SLIT3: variants seen among roughly 807,000 people sequenced by gnomAD.
The protein encoded by SLIT3 is slit homolog 3 protein.
SLIT3 carries 68 observed loss-of-function variants against 184.0 expected under a neutral mutation model. That is an observed-to-expected ratio of 0.37 (90% CI 0.30 to 0.45). SLIT3 has a LOEUF of 0.45. SLIT3 is among the 20% of genes least tolerant of loss of function. SLIT3 has a pLI of 1.00. For synonymous variants in SLIT3, 831 were observed against 828.6 expected (o/e 1.00, Z -0.05); for missense variants, 1,707 against 2,026.0 (o/e 0.84, Z 3.02).
At chr5:169,101,136 A>C (rs888098063) in intron 4 of SLIT3, among the ~76,000 whole-genome samples, 7 of 152,184 alleles carry the variant, frequency 4.6e-5, no homozygotes, top group Non-Finnish European at 1.0e-4. Context: ...TGATGGTCTT[A>C]GGGAGTAAAA....
intron 4 of SLIT3, among the ~76,000 whole-genome samples, chr5:169,067,909 C>A (rs7701811): frequency 0.5 from 76,732 of 152,052 alleles, 19,600 homozygotes; most frequent in South Asian, 0.64. Flanking sequence ...ACTGGGCTGG[C>A]ACACTTGAGG....
chr5:168,769,153 G>GGAACAA (rs1755454788), intron 14 of SLIT3, among the ~76,000 whole-genome samples: 4 of 152,162 alleles, frequency 2.6e-5, no homozygotes, highest in African/African-American at 9.7e-5. Flanking sequence ...TTCCTTAGCT[G>GGAACAA]GAAATTATGG....
chr5:168,778,782 C>G (rs1490595638), intron 12 of SLIT3, among the ~76,000 whole-genome samples: 1 of 152,226 alleles, frequency 6.6e-6, no homozygotes, highest in Non-Finnish European at 1.5e-5. Context: ...ATTCAAGAGG[C>G]TGCCTGGCGC....
In SLIT3 at chr5:168,684,043, G is replaced by A. The variant is rs368612898; in HGVS notation, c.3609C>T (p.Pro1203=). The A allele has an allele frequency of 1.9e-6, 3 of 1,607,696 alleles. No homozygotes were observed. The highest frequency in any genetic ancestry group is 1.3e-5 in the African/African-American group (1 of 74,588). The stretch of plus-strand genomic sequence containing the variant: ...GGCCCTGGTACAGCTCCAGTGCCAG[G>A]GGGTCATTGTCTCCTTTGTAGAGAA... ...GILLYKGDND[P]LALELYQGHV... Residue 1203 remains proline (P), a synonymous_variant, in exon 32 of 36, where the codon CCC becomes CCT. Coordinates refer to ENST00000519560, the MANE Select transcript of SLIT3 (RefSeq NM_003062.4).
intron 4 of SLIT3, among the ~76,000 whole-genome samples, chr5:169,015,535 T>C (rs1756330668): frequency 6.6e-6 from 1 of 152,196 alleles, no homozygotes; most frequent in East Asian, 1.9e-4. Context: ...CTTTGCACAA[T>C]TAACTTCTCT....
At chr5:169,179,295 T>TTC (rs397999883) in intron 4 of SLIT3, among the ~76,000 whole-genome samples, 4 of 146,030 alleles carry the variant, frequency 2.7e-5, no homozygotes, top group South Asian at 2.2e-4. Context: ...TTTTTTTTTT[T>TTC]CCAGACCAAG....
At chr5:168,985,141 G>T (rs1260058613) in intron 4 of SLIT3, among the ~76,000 whole-genome samples, 2 of 152,112 alleles carry the variant, frequency 1.3e-5, no homozygotes, top group Non-Finnish European at 2.9e-5. Context: ...TTCCTTCCGT[G>T]GCCACCCTGG....
intron 15 of SLIT3, among the ~76,000 whole-genome samples, chr5:168,761,869 G>A (rs1755161316): frequency 6.6e-6 from 1 of 150,974 alleles, no homozygotes; most frequent in Non-Finnish European, 1.5e-5. Context: ...CTCTCCGGTA[G>A]CTGAGACCAC....
At chr5:169,134,408 G>A (rs1463672290) in intron 4 of SLIT3, among the ~76,000 whole-genome samples, 1 of 152,106 alleles carries the variant, frequency 6.6e-6, no homozygotes, top group Non-Finnish European at 1.5e-5. Flanking sequence ...CATGCTTGCT[G>A]CTCCCTTTGC....
At chr5:168,785,801 T>G in intron 12 of SLIT3, 106 bp downstream of exon 12, 1 of 802,138 alleles carries the variant, frequency 1.2e-6, no homozygotes, top group Admixed American at 2.2e-5. Flanking sequence ...TTTTCTCTTT[T>G]GTCTGCAGAA....
chr5:168,780,688 T>C (rs1755938638), intron 12 of SLIT3, among the ~76,000 whole-genome samples: 2 of 152,214 alleles, frequency 1.3e-5, no homozygotes, highest in South Asian at 4.1e-4. Flanking sequence ...GAGCCAAACC[T>C]TCCGCATTAA....
chr5:168,931,489 T>C (rs1187219001), intron 4 of SLIT3, among the ~76,000 whole-genome samples: 1 of 151,958 alleles, frequency 6.6e-6, no homozygotes, highest in African/African-American at 2.4e-5. Context: ...GAGCCTAAGG[T>C]TGAAGGGGGA....
At chr5:168,789,347 C>G (rs1756272058) in intron 11 of SLIT3, among the ~76,000 whole-genome samples, 1 of 152,138 alleles carries the variant, frequency 6.6e-6, no homozygotes, top group Non-Finnish European at 1.5e-5. Flanking sequence ...CTGCCAGGCG[C>G]TTAATCAATA....
chr5:168,933,117 A>G (rs1406764193), intron 4 of SLIT3, among the ~76,000 whole-genome samples: 1 of 152,176 alleles, frequency 6.6e-6, no homozygotes, highest in African/African-American at 2.4e-5. Context: ...CAAGGCAGAG[A>G]TGTGCAGGGG....
chr5:168,945,764 T>C (rs1254322777), intron 4 of SLIT3, among the ~76,000 whole-genome samples: 1 of 152,206 alleles, frequency 6.6e-6, no homozygotes, highest in Non-Finnish European at 1.5e-5. Context: ...ACAAAACGCA[T>C]GCATATGTGG....
At chr5:168,939,738 G>A (rs1467559045) in intron 4 of SLIT3, among the ~76,000 whole-genome samples, 1 of 152,112 alleles carries the variant, frequency 6.6e-6, no homozygotes, top group Non-Finnish European at 1.5e-5. Flanking sequence ...AAGGGACTTT[G>A]GTACATGAAA....
At chr5:168,759,737 G>A (rs1581049171) in intron 16 of SLIT3, among the ~76,000 whole-genome samples, 2 of 152,258 alleles carry the variant, frequency 1.3e-5, no homozygotes, top group African/African-American at 2.4e-5. Context: ...GTGAAGGCAC[G>A]GAGAGTCTTG....
intron 4 of SLIT3, among the ~76,000 whole-genome samples, chr5:169,124,623 A>T (rs1031095957): frequency 2.6e-5 from 4 of 152,246 alleles, no homozygotes; most frequent in Admixed American, 2.0e-4. Flanking sequence ...TAGAGTGATT[A>T]AAAGCCATCT....
chr5:169,171,551 T>G (rs1005605579), intron 4 of SLIT3, among the ~76,000 whole-genome samples: 1 of 152,194 alleles, frequency 6.6e-6, no homozygotes, highest in African/African-American at 2.4e-5. Context: ...CTCCCTAGAT[T>G]GAAAGCCTCA....
Sources: allele counts gnomAD v4.1 joint callset (sites outside exome capture counted in the v4.1 genomes callset), GRCh38; gene constraint gnomAD v4.1.1; transcripts MANE v1.5; gene names NCBI Gene and HGNC (gene_info 2026-07-23, HGNC 2026-07-21).